TNIK: variants seen among roughly 807,000 people sequenced by gnomAD.
TNIK encodes TRAF2 and NCK interacting kinase, also known as TRAF2 and NCK-interacting protein kinase.
A neutral mutation model predicts 191.3 loss-of-function variants in TNIK; 49 were observed. The observed-to-expected ratio is 0.26, with a 90% CI of 0.20 to 0.32. The LOEUF is 0.32. TNIK is among the 10% of genes least tolerant of loss of function. The pLI is 1.00. For missense variants in TNIK, 1,155 were observed against 1,702.3 expected (o/e 0.68, Z 5.66); for synonymous variants, 594 against 600.9 (o/e 0.99, Z 0.17).
Position 171,179,453 on chromosome 3 carries a change from G to T in TNIK, c.640-2073C>A, listed in dbSNP as rs1034494393. Among the ~76,000 whole-genome samples, 126 of 146,310 alleles carry T rather than the reference G, an allele frequency of 8.6e-4. 1 individual carries two copies. The highest frequency in any genetic ancestry group is 1.4e-3 in the Non-Finnish European group (90 of 65,880). On this transcript the variant is annotated intron_variant, in intron 7 of 32. Coordinates refer to ENST00000436636, the MANE Select transcript of TNIK (RefSeq NM_015028.4). ...CAGTTCTATTGTACCTGGGTTTTTT[G>T]TTTTTTTTTTTTCTTTGAGACGGAG...
intron 1 of TNIK, among the ~76,000 whole-genome samples, chr3:171,397,520 AC>A (rs1720409296): frequency 6.6e-6 from 1 of 152,222 alleles, no homozygotes; most frequent in Non-Finnish European, 1.5e-5. Context: ...AAACATGCTG[AC>A]TGCCCAGCTA....
In TNIK at chr3:171,437,016, T is replaced by C. The variant is rs1019765120; in HGVS notation, c.57+22991A>G. On this transcript the variant is annotated intron_variant, in intron 1 of 32. Coordinates refer to ENST00000436636, the MANE Select transcript of TNIK (RefSeq NM_015028.4). ...ATCTGTGCCAGTTCCTCTCTTTTTTTATTACTGCCCCCAAAGCCTATAAAA... is the reference window on the plus strand; with the variant it reads ...ATCTGTGCCAGTTCCTCTCTTTTTTCATTACTGCCCCCAAAGCCTATAAAA... Among the ~76,000 whole-genome samples the C allele has an allele frequency of 2.6e-5, 4 of 152,236 alleles. No homozygotes were observed. In the East Asian group the frequency reaches 5.8e-4, roughly 22 times the overall value.
chr3:171,198,650 A>AT (rs1739020725), intron 4 of TNIK, among the ~76,000 whole-genome samples: 1 of 152,162 alleles, frequency 6.6e-6, no homozygotes, highest in Admixed American at 6.5e-5. Flanking sequence ...CTGGCCACTG[A>AT]TTAAAGGCTG....
intron 2 of TNIK, among the ~76,000 whole-genome samples, chr3:171,274,030 A>C (rs1749434165): frequency 6.6e-6 from 1 of 152,242 alleles, no homozygotes; most frequent in Non-Finnish European, 1.5e-5. Flanking sequence ...CACAAGGAGC[A>C]ATATGAAATT....
chr3:171,079,532 A>G lies in TNIK; in HGVS notation c.3434T>C (p.Ile1145Thr), dbSNP rs1720406041. 1.2e-6 allele frequency: 2 copies of G among 1,613,564 alleles called. No homozygotes were observed. The highest frequency in any genetic ancestry group is 1.7e-5 in the Admixed American group (1 of 59,970). Residue 1145 changes from isoleucine (I) to threonine (T), a missense_variant, in exon 28 of 33, where the codon ATA becomes ACA. This residue lies in a region of TNIK where 195 missense variants were observed against 415.4 expected (regional missense o/e 0.47). Coordinates refer to ENST00000436636, the MANE Select transcript of TNIK (RefSeq NM_015028.4). Reference sequence around the variant, plus strand: ...TTGAGACTTACCAACTTTATAATGTATACAGCCTTCCAAGTCCCCAACAGT... The same window carrying G: ...TTGAGACTTACCAACTTTATAATGTGTACAGCCTTCCAAGTCCCCAACAGT... ...WITVGDLEGC[I>T]HYKVVKYERI... is the part of the protein sequence containing the mutation.
rs144663843 is a variant in TNIK at position 171,328,628 on chromosome 3, A to G, written c.123+40992T>C. 5.2e-4 allele frequency among the ~76,000 whole-genome samples: 79 copies of G among 152,382 alleles called. No individual in the cohort carries two copies. The East Asian group carries it at 0.015, about 29-fold the overall frequency. On this transcript the variant is annotated intron_variant, in intron 2 of 32. Coordinates refer to ENST00000436636, the MANE Select transcript of TNIK (RefSeq NM_015028.4). ...AAAGCTTCTCTTTTAAGATGACGCA[A>G]TAATTGGCATAAAGCCGAATGCCTG...
rs778210849 is a variant in TNIK, at chr3:171,229,742, C to T, written c.124-1521G>A. 3.9e-5 allele frequency among the ~76,000 whole-genome samples: 6 copies of T among 152,102 alleles called. No homozygotes were observed. The East Asian group carries it at 5.8e-4, about 15-fold the overall frequency. On this transcript the variant is annotated intron_variant, in intron 2 of 32. Coordinates refer to ENST00000436636, the MANE Select transcript of TNIK (RefSeq NM_015028.4). The stretch of plus-strand genomic sequence containing the variant: ...CTCTGATTCTGATGGTGCTTCCTTC[C>T]GCTTTTGACCCCCATTCTGCTGCCC...
chr3:171,396,780 C>T (rs1230195588), intron 1 of TNIK, among the ~76,000 whole-genome samples: 1 of 152,124 alleles, frequency 6.6e-6, no homozygotes, highest in Admixed American at 6.5e-5. Flanking sequence ...ACTTCCTAGC[C>T]ATTCTCAGTT....
intron 4 of TNIK, among the ~76,000 whole-genome samples, chr3:171,210,615 T>A (rs6444971): frequency 0.25 from 38,551 of 152,056 alleles, 5,493 homozygotes; most frequent in East Asian, 0.5. Flanking sequence ...AGTCGCCCAC[T>A]CATCAGCGAT....
intron 4 of TNIK, among the ~76,000 whole-genome samples, chr3:171,208,609 G>A (rs751333478): frequency 7.2e-5 from 11 of 151,800 alleles, no homozygotes; most frequent in Non-Finnish European, 1.0e-4. Context: ...ACAGGCTGGC[G>A]TGCAGTGACA....
Position 171,216,840 on chromosome 3 carries a change from T to A in TNIK, c.181-5599A>T, listed in dbSNP as rs1741513784. Among the ~76,000 whole-genome samples the A allele has an allele frequency of 4.6e-5, 7 of 152,022 alleles. No homozygotes were observed. In the Admixed American group the frequency reaches 4.6e-4, roughly 10 times the overall value. On this transcript the variant is annotated intron_variant, in intron 3 of 32. Transcript: ENST00000436636. ...ATAGATTGTAATAAATAATTAGATG[T>A]AATAAATCTATTACATCAAATAGTT...
intron 28 of TNIK, among the ~76,000 whole-genome samples, chr3:171,072,693 ACT>A (rs1446144682): frequency 1.3e-5 from 2 of 152,002 alleles, no homozygotes; most frequent in Non-Finnish European, 2.9e-5. Flanking sequence ...CCTCCAAAAG[ACT>A]CTTAGTGCTG....
intron 1 of TNIK, among the ~76,000 whole-genome samples, chr3:171,444,245 G>C: frequency 6.6e-6 from 1 of 152,308 alleles, no homozygotes. Flanking sequence ...CTAGGTAAGA[G>C]ATGCTTACAA....
At chr3:171,383,075 A>G (rs1379389813) in intron 1 of TNIK, among the ~76,000 whole-genome samples, 1 of 152,196 alleles carries the variant, frequency 6.6e-6, no homozygotes, top group Non-Finnish European at 1.5e-5. Context: ...AAAAAAAGCG[A>G]GGCTACAAGA....
rs559672255 is a variant in TNIK at position 171,159,873 on chromosome 3, C to T, written c.1016+1397G>A. Among the ~76,000 whole-genome samples the T allele has an allele frequency of 6.6e-6, 1 of 152,306 alleles. No individual in the cohort carries two copies. Among genetic ancestry groups the T allele is most frequent in the South Asian group, 2.1e-4 (1 of 4,826 alleles). Reference sequence around the variant, plus strand: ...ACAGGACTTGGAACATAATCTTCAGCATGATATAATGACATGTTATAATTA... The same window carrying T: ...ACAGGACTTGGAACATAATCTTCAGTATGATATAATGACATGTTATAATTA... On this transcript the variant is annotated intron_variant, in intron 11 of 32. Transcript: ENST00000436636. The surrounding 1 kb of genome is among the most constrained non-coding windows in gnomAD (Gnocchi z 4.1).
chr3:171,318,224 C>T (rs1326370299), intron 2 of TNIK, among the ~76,000 whole-genome samples: 1 of 152,104 alleles, frequency 6.6e-6, no homozygotes, highest in Admixed American at 6.6e-5. Context: ...TGCTTTCCAG[C>T]CTTCTAAATC....
At chr3:171,392,412 T>C (rs958833659) in intron 1 of TNIK, among the ~76,000 whole-genome samples, 49 of 152,140 alleles carry the variant, frequency 3.2e-4, no homozygotes, top group Non-Finnish European at 1.5e-4. Flanking sequence ...AATTAATGTG[T>C]AGCACTTTCA....
chr3:171,186,825 C>T (rs189024644), intron 7 of TNIK, among the ~76,000 whole-genome samples: 1 of 152,312 alleles, frequency 6.6e-6, no homozygotes, highest in Non-Finnish European at 1.5e-5. Context: ...TTGCCCATAC[C>T]TAGAGTTATG....
chr3:171,428,022 T>C (rs755638677), intron 1 of TNIK, among the ~76,000 whole-genome samples: 2 of 152,132 alleles, frequency 1.3e-5, no homozygotes, highest in Non-Finnish European at 2.9e-5. Context: ...AGGTCAGGTT[T>C]GGCAGGGCCT....
Sources: gnomAD v4.1 joint callset for allele counts (sites outside exome capture counted in the v4.1 genomes callset) on GRCh38, gnomAD v4.1.1 for gene constraint, gnomAD v4.1.1 regional missense constraint, Gnocchi (gnomAD v3.1) non-coding constraint, MANE v1.5 for transcripts, NCBI Gene and HGNC (gene_info 2026-07-23, HGNC 2026-07-21) for gene names.